Variants in EPS15 observed in about 807,000 individuals in gnomAD.
The protein encoded by EPS15 is epidermal growth factor receptor pathway substrate 15.
A neutral mutation model predicts 113.8 loss-of-function variants in EPS15; 72 were observed. The observed-to-expected ratio is 0.63, with a 90% CI of 0.52 to 0.77. The LOEUF (loss-of-function observed/expected upper bound fraction) is 0.77, where lower values mean the gene tolerates loss of function less well. Among genes scored for constraint, EPS15 ranks in the 30% least tolerant of loss-of-function variants. EPS15 has a pLI of 0.00. For synonymous variants in EPS15, 344 were observed against 363.4 expected (o/e 0.95, Z 0.61); for missense variants, 1,048 against 1,045.8 (o/e 1.00, Z -0.03).
intron 21 of EPS15, among the ~76,000 whole-genome samples, chr1:51,387,695 A>G (rs1233501125): frequency 6.6e-6 from 1 of 152,226 alleles, no homozygotes; most frequent in East Asian, 1.9e-4. Flanking sequence ...ACAGACTTTA[A>G]ACCAACAAAG....
chr1:51,447,181 A>C, intron 9 of EPS15, 76 bp from the exon 10 acceptor site: 1 of 1,297,352 alleles, frequency 7.7e-7, no homozygotes, highest in Non-Finnish European at 1.1e-6. Flanking sequence ...AATCCATTAC[A>C]ATATCCATCA....
At chr1:51,471,377 A>T (rs1655224689) in intron 4 of EPS15, among the ~76,000 whole-genome samples, 1 of 152,216 alleles carries the variant, frequency 6.6e-6, no homozygotes, top group Non-Finnish European at 1.5e-5. Flanking sequence ...AGACAATACC[A>T]TCTTAACACT....
intron 21 of EPS15, among the ~76,000 whole-genome samples, chr1:51,390,687 T>C (rs1647269424): frequency 1.3e-5 from 2 of 151,590 alleles, no homozygotes; most frequent in Non-Finnish European, 2.9e-5. Context: ...AAGAAGACAT[T>C]TATGCAGCCA....
intron 1 of EPS15, among the ~76,000 whole-genome samples, chr1:51,494,802 A>G (rs1046841131): frequency 3.3e-5 from 5 of 152,196 alleles, no homozygotes; most frequent in African/African-American, 1.2e-4. Context: ...TTCCCTTTTT[A>G]TAAGGATGCC....
intron 21 of EPS15, among the ~76,000 whole-genome samples, chr1:51,383,402 C>T (rs968872676): frequency 5.3e-5 from 8 of 152,108 alleles, no homozygotes; most frequent in African/African-American, 1.4e-4. Flanking sequence ...CACCAGGGAC[C>T]GGTTTTGTGG....
chr1:51,469,121 C>T (rs918900437), intron 4 of EPS15, among the ~76,000 whole-genome samples: 1 of 151,536 alleles, frequency 6.6e-6, no homozygotes, highest in Non-Finnish European at 1.5e-5. Flanking sequence ...CAGAGCGAGA[C>T]TGTCTCAAAA....
intron 1 of EPS15, chr1:51,490,347 C>T (rs59040444): frequency 0.068 from 29,650 of 434,386 alleles, 1,292 homozygotes; most frequent in Middle Eastern, 0.087. Flanking sequence ...GGGCAAATCA[C>T]GAGGTCAGGA....
chr1:51,362,881 T>G (rs1440222443), intron 23 of EPS15, among the ~76,000 whole-genome samples: 1 of 152,214 alleles, frequency 6.6e-6, no homozygotes, highest in Non-Finnish European at 1.5e-5. Context: ...AATTATCCTT[T>G]TAGCCACTTA....
intron 22 of EPS15, among the ~76,000 whole-genome samples, chr1:51,365,267 G>A (rs115926120): frequency 0.032 from 4,869 of 152,306 alleles, 127 homozygotes; most frequent in Non-Finnish European, 0.05. Flanking sequence ...CAGGCTGGAC[G>A]TAATTGCATA....
intron 22 of EPS15, among the ~76,000 whole-genome samples, chr1:51,365,052 G>C (rs1646478371): frequency 6.6e-6 from 1 of 152,208 alleles, no homozygotes; most frequent in African/African-American, 2.4e-5. Context: ...GGCTGGTCTT[G>C]AACTCCTGAG....
In EPS15 at chr1:51,390,582, T is replaced by C. The variant is rs1647258667; in HGVS notation, c.2119+3799A>G. ...ACCTACTCATCTGACAAAGGGCTAA[T>C]ATCCAGAATCTACAATGAACTCAAA... On this transcript the variant is annotated intron_variant, in intron 21 of 24. Coordinates refer to ENST00000371733, the MANE Select transcript of EPS15 (RefSeq NM_001981.3). Among the ~76,000 whole-genome samples, 8 of 151,538 alleles carry C rather than the reference T, an allele frequency of 5.3e-5. No homozygotes were observed. In the South Asian group the frequency reaches 1.7e-3, roughly 32 times the overall value.
Position 51,481,305 on chromosome 1 carries a change from C to A in EPS15, c.43G>T (p.Gly15Trp). Residue 15 changes from glycine to tryptophan, a missense_variant, in exon 2 of 25, where the codon GGG becomes TGG. Coordinates refer to ENST00000371733, the MANE Select transcript of EPS15 (RefSeq NM_001981.3). ...TAGTATTTTTCATATACAGGATTCC[C>A]ACTTGATAACTGAAATAAACACATT... Reference protein sequence around the residue: ...AQLSLTQLSSGNPVYEKYYRQ... With the variant: ...AQLSLTQLSSWNPVYEKYYRQ... The A allele has an allele frequency of 7.6e-7, 1 of 1,319,134 alleles. No homozygotes were observed. The highest frequency in any genetic ancestry group is 1.1e-6 in the Non-Finnish European group (1 of 916,486). The allele number at this position is 1,319,134 out of a possible 1,614,324, so 81.7% of individuals were successfully genotyped here.
At chr1:51,440,318 T>A in intron 12 of EPS15, 29 bp downstream of exon 12, 1 of 884,072 alleles carries the variant, frequency 1.1e-6, no homozygotes, top group Non-Finnish European at 1.9e-6. Flanking sequence ...TGTGTGTATG[T>A]GAGTAGGCTG....
Position 51,463,662 on chromosome 1 carries a change from T to C in EPS15, c.501+11A>G, listed in dbSNP as rs377500027. The stretch of plus-strand genomic sequence containing the variant: ...CATAAAAATTACATTTCGGAGTAAA[T>C]AATATCTTACTCTTCCAAGGATATC... On this transcript the variant is annotated intron_variant, in intron 7 of 24. Transcript: ENST00000371733. 6.5e-7 allele frequency: 1 copy of C among 1,536,954 alleles called. No homozygotes were observed. Among genetic ancestry groups the C allele is most frequent in the East Asian group, 2.3e-5 (1 of 44,220 alleles).
chr1:51,357,981 C>T (rs144690922), intron 24 of EPS15, among the ~76,000 whole-genome samples: 1,585 of 152,098 alleles, frequency 0.01, 23 homozygotes, highest in African/African-American at 0.032. Flanking sequence ...TCAGGTGATC[C>T]GCCCATCTCG....
chr1:51,457,991 C>T (rs910472258), intron 8 of EPS15: 1 of 152,044 alleles, frequency 6.6e-6, no homozygotes, highest in Non-Finnish European at 1.5e-5. Context: ...ATCTTAAAAA[C>T]TATCCAATTA....
intron 24 of EPS15, among the ~76,000 whole-genome samples, chr1:51,358,514 C>T (rs979535137): frequency 1.3e-5 from 2 of 152,106 alleles, no homozygotes; most frequent in African/African-American, 4.8e-5. Context: ...CACTGTCAGG[C>T]TTTTGAAATG....
intron 12 of EPS15, among the ~76,000 whole-genome samples, chr1:51,431,686 A>G (rs576655874): frequency 3.9e-5 from 6 of 152,160 alleles, no homozygotes; most frequent in African/African-American, 1.4e-4. Flanking sequence ...CCCTCAGGTG[A>G]TCCTCCCACC....
At chr1:51,516,471 A>C (rs1217241136) in intron 1 of EPS15, among the ~76,000 whole-genome samples, 1 of 151,162 alleles carries the variant, frequency 6.6e-6, no homozygotes, top group Non-Finnish European at 1.5e-5. Context: ...GCTGTGGCCA[A>C]AGCAGAACTG....
Sources: gnomAD v4.1 joint callset for allele counts (sites outside exome capture counted in the v4.1 genomes callset) on GRCh38, gnomAD v4.1.1 for gene constraint, MANE v1.5 for transcripts, NCBI Gene and HGNC (gene_info 2026-07-23, HGNC 2026-07-21) for gene names.